The following WWOX variants were observed in gnomAD, a reference collection of about 807,000 sequenced individuals.
The protein encoded by WWOX is WW domain-containing oxidoreductase.
Under a neutral mutation model 46.2 loss-of-function variants are expected in WWOX, and 69 were observed. That is an observed-to-expected ratio of 1.49 (90% confidence interval 1.23 to 1.82). WWOX has a LOEUF of 1.82. Ranked by LOEUF, WWOX falls within the 40% of genes most tolerant of loss-of-function variation. WWOX has a pLI of 0.00. For synonymous variants in WWOX, 359 were observed against 202.6 expected, an observed-to-expected ratio of 1.77 and a Z score of -6.56; for missense variants, 919 against 542.6, an observed-to-expected ratio of 1.69 and a Z score of -6.89.
intron 4 of WWOX, among the ~76,000 whole-genome samples, chr16:78,155,934 C>T (rs940922661): frequency 1.3e-5 from 2 of 152,186 alleles, no homozygotes; most frequent in African/African-American, 4.8e-5. Context: ...ATATGGTTTA[C>T]TATAAAAGTG....
At chr16:78,454,852 A>G (rs1484360265) in intron 8 of WWOX, among the ~76,000 whole-genome samples, 3 of 152,106 alleles carry the variant, frequency 2.0e-5, no homozygotes, top group East Asian at 1.9e-4. Context: ...TTCAATACCA[A>G]CTGTTGCTTT....
intron 8 of WWOX, among the ~76,000 whole-genome samples, chr16:78,929,935 A>G (rs1412573459): frequency 6.6e-6 from 1 of 152,152 alleles, no homozygotes; most frequent in East Asian, 1.9e-4. Flanking sequence ...GTAGTTCAGG[A>G]TAAAAATTCC....
chr16:78,742,456 T>C (rs1053906665), intron 8 of WWOX, among the ~76,000 whole-genome samples: 11 of 152,326 alleles, frequency 7.2e-5, no homozygotes, highest in African/African-American at 2.4e-4. Flanking sequence ...TGCAGGTTAC[T>C]GTGAAAACAG....
intron 6 of WWOX, among the ~76,000 whole-genome samples, chr16:78,420,290 A>C (rs893027674): frequency 6.6e-6 from 1 of 152,174 alleles, no homozygotes; most frequent in Non-Finnish European, 1.5e-5. Flanking sequence ...AAATGAAAAC[A>C]TGCATTTCCA....
rs1362197147 is a variant in WWOX at position 79,212,446 on chromosome 16, T to A, written c.*650T>A. Reference sequence around the variant, plus strand: ...GCTATGCAAAAAATTCTTTAGAGATTATAACAAATTTTTCAAATCATTCCT... The same window carrying A: ...GCTATGCAAAAAATTCTTTAGAGATAATAACAAATTTTTCAAATCATTCCT... On this transcript the variant is annotated 3_prime_UTR_variant, in exon 9 of 9. Transcript: ENST00000566780. The A allele has an allele frequency of 3.7e-6, 1 of 269,782 alleles. No homozygotes were observed. Among genetic ancestry groups the A allele is most frequent in the African/African-American group, 2.2e-5 (1 of 46,306 alleles). The allele number at this position is 269,782 out of a possible 1,614,324, so 16.7% of individuals were successfully genotyped here.
At chr16:78,732,049 A>G (rs1241879470) in intron 8 of WWOX, among the ~76,000 whole-genome samples, 1 of 151,996 alleles carries the variant, frequency 6.6e-6, no homozygotes. Context: ...CTTTTTGTAG[A>G]GAAAGGGTCT....
At chr16:78,485,291 A>T (rs1469832684) in intron 8 of WWOX, among the ~76,000 whole-genome samples, 4 of 152,134 alleles carry the variant, frequency 2.6e-5, no homozygotes, top group Non-Finnish European at 5.9e-5. Flanking sequence ...CTACATGTTC[A>T]TTGAAAATGA....
rs1197101808 is a variant in WWOX, at chr16:79,212,206, G to T, written c.*410G>T. 1.4e-6 allele frequency: 2 copies of T among 1,447,900 alleles called. No individual in the cohort carries two copies. Among genetic ancestry groups the T allele is most frequent in the African/African-American group, 2.9e-5 (2 of 69,874 alleles). The allele number at this position is 1,447,900 out of a possible 1,614,324, so 89.7% of individuals were successfully genotyped here. On this transcript the variant is annotated 3_prime_UTR_variant, in exon 9 of 9. Coordinates refer to ENST00000566780, the MANE Select transcript of WWOX (RefSeq NM_016373.4). ...GGGGGCTGGCCTTCTCCTACTTAGG[G>T]AAGAAAAAGCAAGTGTTCACTGCTC...
chr16:78,653,982 C>T (rs896296041), intron 8 of WWOX, among the ~76,000 whole-genome samples: 1 of 152,194 alleles, frequency 6.6e-6, no homozygotes, highest in Non-Finnish European at 1.5e-5. Flanking sequence ...AGCAGAGATC[C>T]AGAGAAATTA....
intron 8 of WWOX, among the ~76,000 whole-genome samples, chr16:78,500,247 A>G (rs1317108563): frequency 2.0e-5 from 3 of 152,146 alleles, no homozygotes; most frequent in African/African-American, 7.2e-5. Context: ...CTTTAAAATA[A>G]AACAGAAGGT....
chr16:78,410,340 G>A (rs1469851819), intron 6 of WWOX, among the ~76,000 whole-genome samples: 1 of 152,180 alleles, frequency 6.6e-6, no homozygotes, highest in African/African-American at 2.4e-5. Context: ...CTTGATCACG[G>A]TCTGCAGCAT....
At chr16:78,555,579 G>A (rs907543050) in intron 8 of WWOX, among the ~76,000 whole-genome samples, 2 of 118,986 alleles carry the variant, frequency 1.7e-5, no homozygotes, top group Non-Finnish European at 3.5e-5. Context: ...CACTAAAGGA[G>A]TGCCACTTTT....
chr16:78,849,006 C>G (rs930015176), intron 8 of WWOX, among the ~76,000 whole-genome samples: 1 of 152,168 alleles, frequency 6.6e-6, no homozygotes. Context: ...GACATAGTTA[C>G]CATGAGCAGC....
intron 4 of WWOX, among the ~76,000 whole-genome samples, chr16:78,136,908 C>A (rs1438680968): frequency 6.6e-6 from 1 of 152,158 alleles, no homozygotes; most frequent in South Asian, 2.1e-4. Context: ...GCCAGACCTT[C>A]GCAGAGGGCA....
chr16:78,879,599 T>C (rs1445841620), intron 8 of WWOX, among the ~76,000 whole-genome samples: 2 of 152,144 alleles, frequency 1.3e-5, no homozygotes, highest in African/African-American at 4.8e-5. Flanking sequence ...AATTCCTGGC[T>C]GGGCATGATG....
At chr16:78,623,010 T>G (rs2046226743) in intron 8 of WWOX, among the ~76,000 whole-genome samples, 1 of 151,996 alleles carries the variant, frequency 6.6e-6, no homozygotes, top group East Asian at 1.9e-4. Flanking sequence ...AATGAGGACA[T>G]TAGTCCTATA....
At chr16:78,832,516 G>A (rs2051858901) in intron 8 of WWOX, among the ~76,000 whole-genome samples, 1 of 152,148 alleles carries the variant, frequency 6.6e-6, no homozygotes, top group African/African-American at 2.4e-5. Flanking sequence ...CATATTCTAA[G>A]ACCACCACAC....
At chr16:78,608,334 T>C (rs2045814013) in intron 8 of WWOX, among the ~76,000 whole-genome samples, 2 of 152,224 alleles carry the variant, frequency 1.3e-5, no homozygotes, top group African/African-American at 4.8e-5. Context: ...TGTTTTGCTT[T>C]CTTTCAAAGC....
intron 8 of WWOX, among the ~76,000 whole-genome samples, chr16:78,646,873 AGGCTGTGTT>A (rs971832935): frequency 3.3e-5 from 5 of 152,058 alleles, no homozygotes; most frequent in African/African-American, 1.2e-4. Context: ...ACGCTGTGTT[AGGCTGTGTT>A]GGCTGTGAGT....
Sources: gnomAD v4.1 joint callset for allele counts (sites outside exome capture counted in the v4.1 genomes callset) on GRCh38, gnomAD v4.1.1 for gene constraint, MANE v1.5 for transcripts, NCBI Gene and HGNC (gene_info 2026-07-23, HGNC 2026-07-21) for gene names.